GIT2: variants seen among roughly 807,000 people sequenced by gnomAD.
GIT2 encodes GIT ArfGAP 2, also known as ARF GTPase-activating protein GIT2.
A neutral mutation model predicts 100.3 loss-of-function variants in GIT2; 32 were observed. The observed-to-expected ratio is 0.32, with a 90% confidence interval of 0.24 to 0.43. GIT2 has a LOEUF of 0.43. Ranked by LOEUF, GIT2 falls within the 20% of genes least tolerant of loss-of-function variation. GIT2 has a pLI of 1.00. For missense variants in GIT2, 737 were observed against 975.1 expected (o/e 0.76, Z 3.25); for synonymous variants, 353 against 364.1 (o/e 0.97, Z 0.35).
At chr12:109,984,686 A>T (rs927870348) in intron 4 of GIT2, among the ~76,000 whole-genome samples, 1 of 152,062 alleles carries the variant, frequency 6.6e-6, no homozygotes, top group African/African-American at 2.4e-5. Flanking sequence ...AGCTGAAGTG[A>T]TCCTCCCACC....
chr12:109,986,687 C>A (rs866977896), intron 4 of GIT2, among the ~76,000 whole-genome samples: 1 of 152,158 alleles, frequency 6.6e-6, no homozygotes, highest in African/African-American at 2.4e-5. Context: ...ATGGCATGAA[C>A]CCGGGAGGCG....
chr12:109,995,689 C>T (rs1010194052), intron 1 of GIT2, among the ~76,000 whole-genome samples: 1 of 152,144 alleles, frequency 6.6e-6, no homozygotes, highest in African/African-American at 2.4e-5. Flanking sequence ...GAGTAGCTGT[C>T]GGATGTCAGC....
rs1873891368 is a variant in GIT2, at chr12:109,939,170, G to A, written c.1809C>T (p.Gly603=). The change falls in exon 17 of 20, where the codon GGC becomes GGT. Residue 603 remains glycine (G), a synonymous_variant. Transcript: ENST00000355312. Reference sequence around the variant, plus strand: ...CGCTCGTCCTGTGCATGTACCCCATGCCATCTGGCTCCATGTCGTTGGGAG... The same window carrying A: ...CGCTCGTCCTGTGCATGTACCCCATACCATCTGGCTCCATGTCGTTGGGAG... ...DNTPNDMEPD[G]MGSSRKGRQR... The A allele has an allele frequency of 6.2e-7, 1 of 1,601,340 alleles. No individual in the cohort carries two copies. Among genetic ancestry groups the A allele is most frequent in the Non-Finnish European group, 8.6e-7 (1 of 1,168,584 alleles).
At chr12:109,940,008 C>T (rs2079050948) in intron 16 of GIT2, 1 of 152,162 alleles carries the variant, frequency 6.6e-6, no homozygotes, top group African/African-American at 2.4e-5. Flanking sequence ...GCTGGGTGGC[C>T]CACCAAAGGC....
chr12:109,942,210 T>A (rs1186184313), intron 16 of GIT2, among the ~76,000 whole-genome samples: 1 of 152,214 alleles, frequency 6.6e-6, no homozygotes, highest in Non-Finnish European at 1.5e-5. Flanking sequence ...CATATATGAA[T>A]AGATAAAAAC....
rs1886208435 is a variant in GIT2 at position 109,980,986 on chromosome 12, G to A, written c.684C>T (p.Asp228=). The change falls in exon 7 of 20, where the codon GAC becomes GAT. Residue 228 remains aspartate (D), a synonymous_variant. Transcript: ENST00000355312. ...TGCCACAGAGATAGAAGGCTAGTCT[G>A]TCCGTTAGCTCATACTGTATTTCCA... The part of the protein sequence containing the change: ...RLVEIQYELT[D]RLAFYLCGRK... The A allele has an allele frequency of 6.2e-7, 1 of 1,612,210 alleles. No homozygotes were observed. The highest frequency in any genetic ancestry group is 8.5e-7 in the Non-Finnish European group (1 of 1,178,238).
chr12:109,940,537 C>A (rs1874358113), intron 16 of GIT2: 1 of 152,004 alleles, frequency 6.6e-6, no homozygotes, highest in Admixed American at 6.6e-5. Context: ...ATATGGAAAC[C>A]CTGTAGCTTC....
At chr12:109,945,372 A>C in intron 15 of GIT2, 23 bp from the exon 16 acceptor site, 1 of 1,208,090 alleles carries the variant, frequency 8.3e-7, no homozygotes, top group East Asian at 2.4e-5. Flanking sequence ...AGAGAAACAC[A>C]CTCGGGAAAA....
chr12:109,987,846 G>C (rs1049542541), intron 4 of GIT2, among the ~76,000 whole-genome samples: 3 of 152,158 alleles, frequency 2.0e-5, no homozygotes, highest in Non-Finnish European at 4.4e-5. Context: ...GCAGCGCTTT[G>C]AAAATATGCA....
At chr12:109,991,958 TA>T in intron 1 of GIT2, 198 bp from the exon 2 acceptor site, 1 of 493,636 alleles carries the variant, frequency 2.0e-6, no homozygotes, top group Non-Finnish European at 3.6e-6. Flanking sequence ...TAATTGAGAC[TA>T]AAAACACCAG....
At chr12:109,970,519 C>A (rs541288043) in intron 7 of GIT2, among the ~76,000 whole-genome samples, 7 of 152,174 alleles carry the variant, frequency 4.6e-5, no homozygotes, top group South Asian at 2.1e-4. Flanking sequence ...ACAACAACAA[C>A]AAAAAACTAT....
intron 4 of GIT2, among the ~76,000 whole-genome samples, chr12:109,985,101 A>G (rs1412277525): frequency 6.6e-6 from 1 of 152,158 alleles, no homozygotes; most frequent in Non-Finnish European, 1.5e-5. Flanking sequence ...GGAATGAAGA[A>G]ATCTACTCTA....
chr12:109,971,380 A>G (rs982119865), intron 7 of GIT2, among the ~76,000 whole-genome samples: 17 of 152,034 alleles, frequency 1.1e-4, no homozygotes, highest in African/African-American at 4.1e-4. Context: ...GCTGGAGTGC[A>G]GTGGCAAGAT....
rs191430727 is a variant in GIT2 at position 109,985,421 on chromosome 12, G to C, written c.406-1727C>G. Among the ~76,000 whole-genome samples, 268 of 152,046 alleles carry C rather than the reference G, an allele frequency of 1.8e-3. 3 individuals are homozygous for C. The highest frequency in any genetic ancestry group is 9.1e-4 in the Non-Finnish European group (62 of 67,918). Reference sequence around the variant, plus strand: ...CAGATTCTGCTGGGGATTAAAAAAGGGGGGGGAAAAAAGGCCAGATGTGGT... The same window carrying C: ...CAGATTCTGCTGGGGATTAAAAAAGCGGGGGGAAAAAAGGCCAGATGTGGT... On this transcript the variant is annotated intron_variant, in intron 4 of 19. Transcript: ENST00000355312.
At chr12:109,987,593 G>A (rs117267511) in intron 4 of GIT2, among the ~76,000 whole-genome samples, 2,475 of 151,602 alleles carry the variant, frequency 0.016, 36 homozygotes, top group South Asian at 0.052. Flanking sequence ...CAGCCTCCCA[G>A]GTAGCTGGTA....
At chr12:109,991,209 C>T (rs1417644189) in intron 2 of GIT2, among the ~76,000 whole-genome samples, 1 of 151,504 alleles carries the variant, frequency 6.6e-6, no homozygotes, top group Non-Finnish European at 1.5e-5. Context: ...ACTTGGGAGG[C>T]TGAGGCAGGA....
At chr12:109,989,134 T>A in intron 3 of GIT2, 66 bp from the exon 4 acceptor site, 4 of 983,660 alleles carry the variant, frequency 4.1e-6, no homozygotes, top group Non-Finnish European at 6.6e-6. Context: ...TTCTTTGTAC[T>A]GTAAAAAGAA....
At chr12:109,966,306 G>A (rs1350494874) in intron 8 of GIT2, among the ~76,000 whole-genome samples, 1 of 147,770 alleles carries the variant, frequency 6.8e-6, no homozygotes, top group Non-Finnish European at 1.5e-5. Context: ...TCAGGGGTTT[G>A]AGACCAGCCT....
chr12:109,935,115 C>G (rs983016917), intron 18 of GIT2, among the ~76,000 whole-genome samples: 1 of 151,794 alleles, frequency 6.6e-6, no homozygotes, highest in Non-Finnish European at 1.5e-5. Context: ...TAAATTAAAC[C>G]ATTACATTTC....
Sources: gnomAD v4.1 joint callset for allele counts (sites outside exome capture counted in the v4.1 genomes callset) on GRCh38, gnomAD v4.1.1 for gene constraint, MANE v1.5 for transcripts, NCBI Gene and HGNC (gene_info 2026-07-23, HGNC 2026-07-21) for gene names.